Variants in FKBP5 observed in about 807,000 individuals in gnomAD.
FKBP5 encodes peptidyl-prolyl cis-trans isomerase FKBP5.
FKBP5 carries 23 observed loss-of-function variants against 50.5 expected under a neutral mutation model. That is an observed-to-expected ratio of 0.46 (90% CI 0.33 to 0.65). FKBP5 has a LOEUF of 0.65. Ranked by LOEUF, FKBP5 falls within the 30% of genes least tolerant of loss-of-function variation. FKBP5 has a pLI of 0.02. For missense variants in FKBP5, 411 were observed against 553.1 expected (o/e 0.74, Z 2.58); for synonymous variants, 176 against 190.6 (o/e 0.92, Z 0.63).
chr6:35,619,934 G>A (rs1763780943), intron 4 of FKBP5, among the ~76,000 whole-genome samples, 198 bp downstream of exon 4: 1 of 152,110 alleles, frequency 6.6e-6, no homozygotes, highest in African/African-American at 2.4e-5. Context: ...TTTTGTGCTA[G>A]AAACACGTTT....
chr6:35,654,127 A>C (rs148492566), intron 1 of FKBP5, among the ~76,000 whole-genome samples: 1 of 152,226 alleles, frequency 6.6e-6, no homozygotes, highest in African/African-American at 2.4e-5. Context: ...ATGTGATACA[A>C]ACAGTGTGGT....
chr6:35,595,147 G>A (rs760730898), intron 6 of FKBP5, among the ~76,000 whole-genome samples: 21 of 152,164 alleles, frequency 1.4e-4, no homozygotes, highest in Admixed American at 7.9e-4. Flanking sequence ...TTGGCCAAGC[G>A]CACAGAGCAA....
intron 1 of FKBP5, among the ~76,000 whole-genome samples, chr6:35,677,428 G>A (rs144010197): frequency 1.1e-4 from 16 of 152,332 alleles, no homozygotes; most frequent in East Asian, 7.7e-4. Context: ...TGAGACATGG[G>A]ATAAGAAGAG....
At chr6:35,597,546 T>C in intron 5 of FKBP5, 142 bp from the exon 6 acceptor site, 1 of 959,780 alleles carries the variant, frequency 1.0e-6, no homozygotes, top group Non-Finnish European at 1.5e-6. Flanking sequence ...CAGTGTGTCT[T>C]GGTGAAGCTT....
In FKBP5 at chr6:35,620,266, T is replaced by C; in HGVS notation, c.259A>G (p.Ile87Val). The C allele has an allele frequency of 4.3e-6, 7 of 1,614,084 alleles. No homozygotes were observed. The highest frequency in any genetic ancestry group is 5.9e-6 in the Non-Finnish European group (7 of 1,179,970). Residue 87 changes from isoleucine to valine, a missense_variant, in exon 4 of 11, where the codon ATC becomes GTC. Ile to Val is a conservative substitution (Grantham distance 29). This residue lies in a region of FKBP5 where 267 missense variants were observed against 405.9 expected (regional missense o/e 0.66). Transcript: ENST00000357266. ...GCCACCCCAATGTCCCATGCCTTGA[T>C]GACTTGGCCTAAGGGAAAGGAAAAG... The part of the protein sequence containing the change: ...FVFSLGKGQV[I>V]KAWDIGVATM...
chr6:35,658,741 A>ATTTATT (rs1765028080), intron 1 of FKBP5, among the ~76,000 whole-genome samples: 1 of 23,138 alleles, frequency 4.3e-5, no homozygotes, highest in African/African-American at 1.1e-4. Flanking sequence ...TATCATTTTT[A>ATTTATT]TATGTTGTTG....
intron 1 of FKBP5, among the ~76,000 whole-genome samples, chr6:35,645,921 G>A (rs530971256): frequency 6.6e-6 from 1 of 152,158 alleles, no homozygotes; most frequent in Non-Finnish European, 1.5e-5. Context: ...TTTGAGACCA[G>A]CCTGGCCAAC....
chr6:35,666,104 A>C (rs1765207242), intron 1 of FKBP5, among the ~76,000 whole-genome samples: 1 of 152,110 alleles, frequency 6.6e-6, no homozygotes, highest in Non-Finnish European at 1.5e-5. Context: ...ATATTACCTA[A>C]TGTATCATCT....
intron 3 of FKBP5, among the ~76,000 whole-genome samples, chr6:35,635,612 T>C (rs1375940674): frequency 6.6e-6 from 1 of 152,140 alleles, no homozygotes; most frequent in Non-Finnish European, 1.5e-5. Flanking sequence ...AGTAAAAAAG[T>C]AGTTATTTAA....
intron 1 of FKBP5, among the ~76,000 whole-genome samples, chr6:35,683,115 C>CGTGT (rs1191313976): frequency 2.3e-4 from 13 of 56,236 alleles, no homozygotes; most frequent in East Asian, 4.9e-4. Flanking sequence ...TATATATATA[C>CGTGT]GTATATGTGT....
intron 5 of FKBP5, among the ~76,000 whole-genome samples, chr6:35,615,735 G>A (rs528878742): frequency 3.3e-5 from 5 of 152,250 alleles, no homozygotes; most frequent in South Asian, 2.1e-4. Flanking sequence ...GTCAAAATGA[G>A]TGTGTAAAGT....
intron 8 of FKBP5, chr6:35,580,477 G>T: frequency 2.1e-5 from 5 of 235,770 alleles, no homozygotes; most frequent in South Asian, 1.4e-4. Context: ...AGCAGGTGTA[G>T]TACAGCAAGG....
In FKBP5 at chr6:35,613,758, T is replaced by C. The variant is rs536820671; in HGVS notation, c.508+5338A>G. Among the ~76,000 whole-genome samples the C allele has an allele frequency of 2.0e-5, 3 of 152,282 alleles. No individual in the cohort carries two copies. In the East Asian group the frequency reaches 5.8e-4, roughly 29 times the overall value. ...TATAACACAATAAATTTCTATGAAA[T>C]AGATTTGTTCCAGAAAACCAAGACG... is the stretch of plus-strand genomic sequence containing the variant. On this transcript the variant is annotated intron_variant, in intron 5 of 10. Transcript: ENST00000357266.
chr6:35,680,603 T>C (rs1256822631), intron 1 of FKBP5, among the ~76,000 whole-genome samples: 1 of 152,224 alleles, frequency 6.6e-6, no homozygotes, highest in African/African-American at 2.4e-5. Context: ...AATCACACTA[T>C]TGAGGCTGTG....
At chr6:35,651,187 C>G (rs968125341) in intron 1 of FKBP5, among the ~76,000 whole-genome samples, 13 of 152,078 alleles carry the variant, frequency 8.5e-5, no homozygotes, top group African/African-American at 3.1e-4. Context: ...CCAAACTGCT[C>G]AAACAGTGTT....
intron 1 of FKBP5, among the ~76,000 whole-genome samples, 171 bp from the exon 2 acceptor site, chr6:35,643,014 G>C (rs1184852258): frequency 1.3e-5 from 2 of 152,208 alleles, no homozygotes; most frequent in Middle Eastern, 3.4e-3. Context: ...ATGTCATCAG[G>C]CATGTAAATA....
intron 3 of FKBP5, among the ~76,000 whole-genome samples, chr6:35,627,239 G>A (rs115803940): frequency 6.6e-6 from 1 of 152,278 alleles, no homozygotes; most frequent in Non-Finnish European, 1.5e-5. Flanking sequence ...TAGTGATGTT[G>A]AACATCTTTT....
At chr6:35,591,097 A>T (rs1415196927) in intron 7 of FKBP5, 33 bp downstream of exon 7, 1 of 1,394,600 alleles carries the variant, frequency 7.2e-7, no homozygotes, top group Non-Finnish European at 1.0e-6. Context: ...GAAGAAACCT[A>T]CCATAATTTT....
intron 5 of FKBP5, among the ~76,000 whole-genome samples, chr6:35,599,152 C>T (rs937508154): frequency 3.9e-5 from 6 of 152,058 alleles, no homozygotes; most frequent in Non-Finnish European, 7.4e-5. Context: ...AAAAATCACT[C>T]GTTCTGTTAT....
Sources: gnomAD v4.1 joint callset for allele counts (sites outside exome capture counted in the v4.1 genomes callset) on GRCh38, gnomAD v4.1.1 for gene constraint, gnomAD v4.1.1 regional missense constraint, MANE v1.5 for transcripts, NCBI Gene and HGNC (gene_info 2026-07-23, HGNC 2026-07-21) for gene names.